The following PC variants were observed in gnomAD, a reference collection of about 807,000 sequenced individuals.
The protein encoded by PC is pyruvate carboxylase, mitochondrial.
In PC, 46 loss-of-function variants were observed where a neutral mutation model predicts 107.8. The observed-to-expected ratio is 0.43, with a 90% CI of 0.34 to 0.55. The LOEUF is 0.55. Among genes scored for constraint, PC ranks in the 20% least tolerant of loss-of-function variants. The probability of loss-of-function intolerance (pLI) is 0.04; values close to 1 mark genes in which losing one functional copy is unlikely to be tolerated. For missense variants in PC, 1,241 were observed against 1,643.1 expected, an observed-to-expected ratio of 0.76 and a Z score of 4.23; for synonymous variants, 662 against 684.7, an observed-to-expected ratio of 0.97 and a Z score of 0.52.
intron 3 of PC, among the ~76,000 whole-genome samples, chr11:66,939,077 A>T (rs1949063606): frequency 1.3e-5 from 2 of 152,214 alleles, no homozygotes; most frequent in South Asian, 2.1e-4. Flanking sequence ...CAGTGACATC[A>T]CTGCCTTCGT....
chr11:66,915,874 G>A (rs780341136), intron 3 of PC, among the ~76,000 whole-genome samples: 3 of 152,146 alleles, frequency 2.0e-5, no homozygotes, highest in Non-Finnish European at 4.4e-5. Flanking sequence ...TTCTTTCTTC[G>A]TCCTTTACAG....
intron 3 of PC, among the ~76,000 whole-genome samples, chr11:66,875,121 G>A (rs762708718): frequency 1.5e-4 from 23 of 152,038 alleles, no homozygotes; most frequent in Non-Finnish European, 2.9e-4. Flanking sequence ...GGACATGATC[G>A]ATGCACAGTG....
chr11:66,910,782 T>A (rs1055735131), intron 3 of PC, among the ~76,000 whole-genome samples: 2 of 152,274 alleles, frequency 1.3e-5, no homozygotes, highest in East Asian at 1.9e-4. Context: ...AGGCTCTGGA[T>A]TGACCCAACC....
At chr11:66,860,035 G>T (rs775208596) in intron 12 of PC, 35 of 1,581,468 alleles carry the variant, frequency 2.2e-5, no homozygotes, top group African/African-American at 1.3e-5. Flanking sequence ...CCGCAGCGCA[G>T]CTGCTCTCTG....
chr11:66,888,039 C>T (rs1409897464), intron 3 of PC, among the ~76,000 whole-genome samples: 1 of 152,232 alleles, frequency 6.6e-6, no homozygotes, highest in Non-Finnish European at 1.5e-5. Context: ...CCTCTAAGGA[C>T]ACTTGTGATG....
chr11:66,916,609 CAATAAACGTGGAAG>C (rs1267376406), intron 3 of PC, among the ~76,000 whole-genome samples: 1 of 152,080 alleles, frequency 6.6e-6, no homozygotes. Context: ...GATAGGGAAC[CAATAAACGTGGAAG>C]GGAGAAAAGC....
intron 12 of PC, among the ~76,000 whole-genome samples, chr11:66,862,175 T>C (rs1168027297): frequency 3.9e-5 from 6 of 151,968 alleles, no homozygotes. Flanking sequence ...GGGGAGCGCG[T>C]GATGTCGACA....
chr11:66,912,019 C>G (rs187421420), intron 3 of PC, among the ~76,000 whole-genome samples: 1 of 144,496 alleles, frequency 6.9e-6, no homozygotes, highest in Admixed American at 6.9e-5. Context: ...GGCAACAGAG[C>G]AAGACAAGAA....
At chr11:66,882,854 G>A (rs2135985944) in intron 3 of PC, among the ~76,000 whole-genome samples, 1 of 152,354 alleles carries the variant, frequency 6.6e-6, no homozygotes, top group East Asian at 1.9e-4. Flanking sequence ...ACTCCACCTG[G>A]CTCTCAGGGC....
chr11:66,942,811 G>C (rs936433456), intron 3 of PC, among the ~76,000 whole-genome samples: 3 of 151,940 alleles, frequency 2.0e-5, no homozygotes, highest in African/African-American at 7.3e-5. Context: ...TCGGGAGTTT[G>C]AGATCATCCT....
Position 66,848,787 on chromosome 11 carries a change from C to A in PC, c.*112G>T. The A allele has an allele frequency of 2.2e-6, 3 of 1,368,504 alleles. No homozygotes were observed. The highest frequency in any genetic ancestry group is 2.1e-6 in the Non-Finnish European group (2 of 970,356). The allele number at this position is 1,368,504 out of a possible 1,614,324, so 84.8% of individuals were successfully genotyped here. A position where few individuals can be genotyped will look rare whatever the true frequency, so the allele number is the denominator to read the frequency against. On this transcript the variant is annotated 3_prime_UTR_variant, in exon 23 of 23. Transcript: ENST00000393960. The stretch of plus-strand genomic sequence containing the variant: ...CTCTCCTGTCCAGCTGTGGACAGGA[C>A]CTCCACGGCCCGGCCTTCCTGGCCT...
chr11:66,881,711 C>G (rs913353975), intron 3 of PC, among the ~76,000 whole-genome samples: 6 of 152,238 alleles, frequency 3.9e-5, no homozygotes, highest in Non-Finnish European at 8.8e-5. Context: ...TGGCTCTTCA[C>G]GCAGACTCAC....
chr11:66,870,222 C>T lies in PC; in HGVS notation c.903+80G>A, dbSNP rs866898638. On this transcript the variant is annotated intron_variant, in intron 9 of 22. Transcript: ENST00000393960. The surrounding 1 kb of genome is among the most constrained non-coding windows in gnomAD (Gnocchi z 6.1). ...CCAGAAGGGGACTCAGGGTCCCCTT[C>T]CCCAACCAGCGCCCCACTGTGAGGC... The T allele has an allele frequency of 6.4e-7, 1 of 1,566,444 alleles. No homozygotes were observed. Among genetic ancestry groups the T allele is most frequent in the Non-Finnish European group, 8.7e-7 (1 of 1,146,978 alleles).
chr11:66,927,283 C>T (rs1247617477), intron 3 of PC, among the ~76,000 whole-genome samples: 1 of 147,776 alleles, frequency 6.8e-6, no homozygotes, highest in Admixed American at 7.0e-5. Context: ...AGGACTTGAA[C>T]TCAGCAGTAT....
At chr11:66,886,670 A>G (rs1947374290) in intron 3 of PC, among the ~76,000 whole-genome samples, 1 of 152,194 alleles carries the variant, frequency 6.6e-6, no homozygotes, top group Non-Finnish European at 1.5e-5. Flanking sequence ...GCAGCAGGGA[A>G]GGGTGGCCCT....
At chr11:66,865,844 G>C (rs1283650955) in intron 11 of PC, among the ~76,000 whole-genome samples, 1 of 152,144 alleles carries the variant, frequency 6.6e-6, no homozygotes. Flanking sequence ...GGTGGTGCTT[G>C]GGCTCCGTCG....
Position 66,933,817 on chromosome 11 carries a change from A to G in PC, c.-1+18613T>C, listed in dbSNP as rs143466205. 2.3e-4 allele frequency among the ~76,000 whole-genome samples: 35 copies of G among 152,168 alleles called. No individual in the cohort carries two copies. In the East Asian group the frequency reaches 6.8e-3, roughly 29 times the overall value. ...CCAGGCAGCCACCCACTCCGCCCAG[A>G]GGTTTTCCAAAAATCCCATTCACCT... On this transcript the variant is annotated intron_variant, in intron 3 of 22. Coordinates refer to ENST00000393960, the MANE Select transcript of PC (RefSeq NM_001040716.2).
At position 66,849,044 on chromosome 11, in the gene PC, ACCTTGGCCCC is replaced by A; in HGVS notation, c.3382_3391del (p.Gly1128TrpfsTer13). The A allele has an allele frequency of 6.2e-7, 1 of 1,614,016 alleles. No individual in the cohort carries two copies. The highest frequency in any genetic ancestry group is 8.5e-7 in the Non-Finnish European group (1 of 1,180,020). On this transcript the variant is annotated frameshift_variant, in exon 23 of 23. Transcript: ENST00000393960. LOFTEE classifies it high-confidence loss of function. The stretch of plus-strand genomic sequence containing the variant: ...CACACACAGGGGCTGGCCCTTGGCC[ACCTTGGCCCC>A]TGCCACCACTTTGATGTCTATCACC...
chr11:66,949,654 G>T (rs1192399657), intron 3 of PC, among the ~76,000 whole-genome samples: 1 of 152,114 alleles, frequency 6.6e-6, no homozygotes, highest in Non-Finnish European at 1.5e-5. Context: ...TCGCGACAGA[G>T]CGAGACTCCA....
Sources: allele counts gnomAD v4.1 joint callset (sites outside exome capture counted in the v4.1 genomes callset), GRCh38; gene constraint gnomAD v4.1.1; non-coding constraint Gnocchi (gnomAD v3.1); transcripts MANE v1.5; gene names NCBI Gene and HGNC (gene_info 2026-07-23, HGNC 2026-07-21).